SHROOM4: variants seen among roughly 807,000 people sequenced by gnomAD.
SHROOM4 encodes shroom family member 4.
A neutral mutation model predicts 80.3 loss-of-function variants in SHROOM4; 17 were observed. That is an observed-to-expected ratio of 0.21 (90% confidence interval 0.14 to 0.32). The LOEUF (loss-of-function observed/expected upper bound fraction) is 0.32. Ranked by LOEUF, SHROOM4 falls within the 10% of genes least tolerant of loss-of-function variation. The probability of loss-of-function intolerance (pLI) is 1.00; values close to 1 mark genes in which losing one functional copy is unlikely to be tolerated. For missense variants in SHROOM4, 993 were observed against 1,140.3 expected, an observed-to-expected ratio of 0.87 and a Z score of 1.86; for synonymous variants, 400 against 437.5, an observed-to-expected ratio of 0.91 and a Z score of 1.07.
At position 50,589,210 on chromosome X, in the gene SHROOM4, C is replaced by T. The variant is rs1557245148; in HGVS notation, c.*7485G>A. 9.0e-6 allele frequency among the ~76,000 whole-genome samples: 1 copy of T among 111,655 alleles called. No individual in the cohort carries two copies. Among genetic ancestry groups the T allele is most frequent in the Non-Finnish European group, 1.9e-5 (1 of 53,116 alleles). On this transcript the variant is annotated 3_prime_UTR_variant, in exon 9 of 9. Coordinates refer to ENST00000376020, the MANE Select transcript of SHROOM4 (RefSeq NM_020717.5). ...ACCCTTTGGAGTCAGGAATGAAGTA[C>T]ATGCTCACCATCAACTCAGATTTTT...
intron 1 of SHROOM4, among the ~76,000 whole-genome samples, chrX:50,811,838 T>C (rs1936338074): frequency 1.8e-5 from 2 of 110,980 alleles, no homozygotes; most frequent in Admixed American, 9.6e-5. Flanking sequence ...CTTCATATAA[T>C]AGGGGTCAAC....
intron 1 of SHROOM4, among the ~76,000 whole-genome samples, chrX:50,696,789 C>A (rs1933382114): frequency 8.9e-6 from 1 of 111,943 alleles, no homozygotes; most frequent in African/African-American, 3.2e-5. Context: ...CTAACCAGGG[C>A]AATCTGGGGA....
intron 1 of SHROOM4, among the ~76,000 whole-genome samples, chrX:50,812,397 C>G (rs897342222): frequency 1.5e-4 from 16 of 106,921 alleles, no homozygotes; most frequent in Non-Finnish European, 1.9e-5. Flanking sequence ...GGGGTTGTGA[C>G]AGTGGATGAC....
chrX:50,705,167 T>C (rs1933629877), intron 1 of SHROOM4, among the ~76,000 whole-genome samples: 1 of 111,600 alleles, frequency 9.0e-6, no homozygotes, highest in African/African-American at 3.3e-5. Flanking sequence ...CAAGCTACTG[T>C]CCTGTTCACA....
At chrX:50,745,230 T>A (rs1934748953) in intron 1 of SHROOM4, among the ~76,000 whole-genome samples, 1 of 111,200 alleles carries the variant, frequency 9.0e-6, no homozygotes, top group South Asian at 3.9e-4. Context: ...GCTACTAATA[T>A]GTAATTCTCT....
chrX:50,615,185 A>G (rs1557250589), intron 5 of SHROOM4, among the ~76,000 whole-genome samples: 1 of 110,834 alleles, frequency 9.0e-6, no homozygotes, highest in African/African-American at 3.3e-5. Flanking sequence ...AAACAGAAAA[A>G]TAAAGCATAA....
intron 4 of SHROOM4, among the ~76,000 whole-genome samples, chrX:50,628,839 A>G (rs781790803): frequency 5.3e-5 from 6 of 112,411 alleles, no homozygotes; most frequent in Non-Finnish European, 1.1e-4. Flanking sequence ...TCTGGATGTT[A>G]GCAGCAATGG....
intron 1 of SHROOM4, among the ~76,000 whole-genome samples, chrX:50,738,953 A>C (rs1272928622): frequency 3.6e-5 from 4 of 111,823 alleles, no homozygotes; most frequent in Non-Finnish European, 5.6e-5. Flanking sequence ...ACAGTAACCA[A>C]AACAGCGTGG....
chrX:50,739,037 A>T (rs2147565535), intron 1 of SHROOM4, among the ~76,000 whole-genome samples: 1 of 111,555 alleles, frequency 9.0e-6, no homozygotes, highest in Non-Finnish European at 1.9e-5. Context: ...CACATCTACA[A>T]CTATCTGATC....
At chrX:50,673,262 T>C (rs1440643507) in intron 2 of SHROOM4, among the ~76,000 whole-genome samples, 2 of 111,297 alleles carry the variant, frequency 1.8e-5, no homozygotes, top group Non-Finnish European at 3.8e-5. Flanking sequence ...GATAATTTTA[T>C]TGTAAAAAGA....
chrX:50,812,032 A>G (rs1235346639), intron 1 of SHROOM4, among the ~76,000 whole-genome samples: 2 of 109,592 alleles, frequency 1.8e-5, no homozygotes, highest in Non-Finnish European at 3.8e-5. Context: ...CTGGCTCACA[A>G]AATAATCCGG....
downstream of SHROOM4, among the ~76,000 whole-genome samples, chrX:50,584,000 T>C (rs1928712080): frequency 8.9e-6 from 1 of 112,237 alleles, no homozygotes; most frequent in African/African-American, 3.2e-5. Flanking sequence ...TGATATACCC[T>C]ACATCAGAGC....
chrX:50,607,280 C>A (rs368978387), intron 6 of SHROOM4, 101 bp downstream of exon 6: 21 of 943,725 alleles, frequency 2.2e-5, no homozygotes, highest in African/African-American at 1.9e-4. Context: ...AGCAGTTTAA[C>A]TGGCCAGCCT....
chrX:50,634,443 T>C lies in SHROOM4; in HGVS notation c.1630A>G (p.Thr544Ala). The C allele has an allele frequency of 8.3e-7, 1 of 1,211,610 alleles. No individual in the cohort carries two copies. The highest frequency in any genetic ancestry group is 1.1e-6 in the Non-Finnish European group (1 of 895,481). ...GCCTCTGTGCCACTAGCTGCTTTAG[T>C]GGTTGAAGAACAGTCCGTGGCTTGT... ...VQQATDCSST[T>A]KAASGTEAGE... The change falls in exon 4 of 9, where the codon ACT (threonine) becomes GCT (alanine). Residue 544 changes from threonine (T) to alanine (A), a missense_variant. By Grantham distance (58) the Thr-to-Ala change is moderately conservative. Coordinates refer to ENST00000376020, the MANE Select transcript of SHROOM4 (RefSeq NM_020717.5).
At chrX:50,721,760 C>A (rs782044541) in intron 1 of SHROOM4, among the ~76,000 whole-genome samples, 32 of 111,818 alleles carry the variant, frequency 2.9e-4, no homozygotes, top group African/African-American at 1.0e-3. Context: ...GCAAATTAGC[C>A]TGAATCTTTA....
At chrX:50,601,487 A>G (rs1388580355) in intron 7 of SHROOM4, among the ~76,000 whole-genome samples, 2 of 112,340 alleles carry the variant, frequency 1.8e-5, no homozygotes, top group Non-Finnish European at 3.8e-5. Flanking sequence ...TACGGGTCAT[A>G]TCCTGAAAGA....
intron 1 of SHROOM4, among the ~76,000 whole-genome samples, chrX:50,723,409 A>AGAGC (rs1934174270): frequency 1.0e-5 from 1 of 99,344 alleles, no homozygotes; most frequent in South Asian, 5.4e-4. Flanking sequence ...AGAGAGAGAG[A>AGAGC]GAGAGAGAGA....
chrX:50,813,691 G>A (rs971699497), intron 1 of SHROOM4, among the ~76,000 whole-genome samples: 4 of 112,084 alleles, frequency 3.6e-5, no homozygotes, highest in African/African-American at 6.5e-5. Flanking sequence ...CTAGCCGGGG[G>A]CCAGTTGTGC....
intron 5 of SHROOM4, among the ~76,000 whole-genome samples, chrX:50,614,989 G>A (rs782622936): frequency 9.0e-6 from 1 of 111,478 alleles, no homozygotes; most frequent in Non-Finnish European, 1.9e-5. Flanking sequence ...TTGTAAAAAA[G>A]AATGTATATA....
Sources: allele counts gnomAD v4.1 joint callset (sites outside exome capture counted in the v4.1 genomes callset), GRCh38; gene constraint gnomAD v4.1.1; transcripts MANE v1.5; gene names NCBI Gene and HGNC (gene_info 2026-07-23, HGNC 2026-07-21).